Variants in TTLL4 observed in about 807,000 individuals in gnomAD.
TTLL4 encodes tubulin tyrosine ligase like 4.
Under a neutral mutation model 122.7 loss-of-function variants are expected in TTLL4, and 85 were observed. That is an observed-to-expected ratio of 0.69 (90% CI 0.58 to 0.83). The LOEUF is 0.83. Ranked by LOEUF, TTLL4 falls within the 40% of genes least tolerant of loss-of-function variation. The probability of loss-of-function intolerance (pLI) is 0.00; values close to 1 mark genes in which losing one functional copy is unlikely to be tolerated. For missense variants in TTLL4, 1,363 were observed against 1,488.6 expected (o/e 0.92, Z 1.39); for synonymous variants, 553 against 563.0 (o/e 0.98, Z 0.25).
chr2:218,731,249 A>T (rs192856312), intron 2 of TTLL4, among the ~76,000 whole-genome samples: 144 of 152,230 alleles, frequency 9.5e-4, no homozygotes, highest in Non-Finnish European at 1.8e-3. Flanking sequence ...CATCTCTACT[A>T]AAAATACAAA....
chr2:218,728,944 CGG>C (rs57886887), intron 2 of TTLL4, among the ~76,000 whole-genome samples: 57,396 of 108,648 alleles, frequency 0.53, 14,001 homozygotes, highest in African/African-American at 0.58. Flanking sequence ...TTTTTTTTGG[CGG>C]GGGGGGGCAT....
In TTLL4 at chr2:218,747,498, C is replaced by T; in HGVS notation, c.2250-99C>T. On this transcript the variant is annotated intron_variant, in intron 10 of 19. Coordinates refer to ENST00000392102, the MANE Select transcript of TTLL4 (RefSeq NM_014640.5). The surrounding 1 kb of genome is among the most constrained non-coding windows in gnomAD (Gnocchi z 4.7). ...CTTCCTTAGCCAACTGTTCTAAGGT[C>T]TTTATCTTGGGGACTGTTAGCTGGC... 4 of 1,574,576 alleles carry T rather than the reference C, an allele frequency of 2.5e-6. No individual in the cohort carries two copies. The highest frequency in any genetic ancestry group is 3.5e-6 in the Non-Finnish European group (4 of 1,157,056).
chr2:218,713,933 C>T (rs1461119082), intron 1 of TTLL4, among the ~76,000 whole-genome samples: 1 of 152,146 alleles, frequency 6.6e-6, no homozygotes, highest in African/African-American at 2.4e-5. Context: ...GGACAAGGAG[C>T]AGTGTAGAAT....
intron 14 of TTLL4, 132 bp downstream of exon 14, chr2:218,749,519 A>C (rs1034209538): frequency 3.0e-6 from 4 of 1,335,762 alleles, no homozygotes; most frequent in Non-Finnish European, 4.0e-6. Context: ...CCCAGGCTGG[A>C]GTGCAGTGGC....
chr2:218,737,676 C>A lies in TTLL4; in HGVS notation c.-1C>A. 1 of 1,585,618 alleles carries A rather than the reference C, an allele frequency of 6.3e-7. No individual in the cohort carries two copies. The highest frequency in any genetic ancestry group is 8.6e-7 in the Non-Finnish European group (1 of 1,164,500). The stretch of plus-strand genomic sequence containing the variant: ...CCGTGTGGCCATGATGTGGGCCCCT[C>A]ATGGCCTCAGCAGGAACACAGCACT... On this transcript the variant is annotated 5_prime_UTR_variant, in exon 3 of 20. Transcript: ENST00000392102.
At chr2:218,754,093 AC>A in intron 19 of TTLL4, 40 bp from the exon 20 acceptor site, 1 of 1,612,278 alleles carries the variant, frequency 6.2e-7, no homozygotes, top group Non-Finnish European at 8.5e-7. Context: ...TCTCAGTTAA[AC>A]AGTGTCTCAG....
rs1306377023 is a variant in TTLL4 at position 218,747,643 on chromosome 2, C to T, written c.2296C>T (p.Arg766Trp). 1.9e-6 allele frequency: 3 copies of T among 1,614,200 alleles called. No individual in the cohort carries two copies. Among genetic ancestry groups the T allele is most frequent in the South Asian group, 1.1e-5 (1 of 91,084 alleles). Residue 766 changes from arginine (R) to tryptophan (W), a missense_variant, in exon 11 of 20, where the codon CGG (arginine) becomes TGG (tryptophan). Transcript: ENST00000392102. The surrounding 1 kb of genome is among the most constrained non-coding windows in gnomAD (Gnocchi z 4.7). ...YLISGSKFDL[R>W]IYVYVTSYDP... ...CATCAGCGGCAGCAAGTTTGACCTG[C>T]GGATCTATGTTTATGTCACTTCCTA...
chr2:218,714,027 TAGGTCTGG>T (rs1202038814), intron 1 of TTLL4, among the ~76,000 whole-genome samples: 2 of 152,188 alleles, frequency 1.3e-5, no homozygotes, highest in Non-Finnish European at 2.9e-5. Flanking sequence ...GTTCATTCTG[TAGGTCTGG>T]AGCTCACAAG....
At chr2:218,740,606 AT>A in intron 5 of TTLL4, 22 bp downstream of exon 5, 1 of 1,612,540 alleles carries the variant, frequency 6.2e-7, no homozygotes, top group East Asian at 2.2e-5. Context: ...TGTATAGATC[AT>A]TGTTACATGC....
intron 1 of TTLL4, among the ~76,000 whole-genome samples, chr2:218,711,427 A>G (rs1453056655): frequency 6.7e-6 from 1 of 149,986 alleles, no homozygotes; most frequent in Non-Finnish European, 1.5e-5. Context: ...TTTAACATGG[A>G]TATCTGCTTT....
chr2:218,738,785 G>A lies in TTLL4; in HGVS notation c.1109G>A (p.Trp370Ter). ...QSSFLNPSFQ[W>*]NVLNRSRRWK... Reference sequence around the variant, plus strand: ...AGTTTCCTGAACCCCAGCTTCCAGTGGAATGTCCTCAACAGGAGCAGGCGG... The same window carrying A: ...AGTTTCCTGAACCCCAGCTTCCAGTAGAATGTCCTCAACAGGAGCAGGCGG... The change falls in exon 3 of 20, where the codon TGG (tryptophan) becomes TAG (stop). Residue 370 changes from tryptophan to a stop codon, truncating the protein, a stop_gained. Transcript: ENST00000392102. LOFTEE classifies it high-confidence loss of function. 6.2e-7 allele frequency: 1 copy of A among 1,614,204 alleles called. No homozygotes were observed. Among genetic ancestry groups the A allele is most frequent in the Non-Finnish European group, 8.5e-7 (1 of 1,180,036 alleles).
At position 218,747,924 on chromosome 2, in the gene TTLL4, G is replaced by A; in HGVS notation, c.2379-181G>A. On this transcript the variant is annotated intron_variant, in intron 11 of 19. Transcript: ENST00000392102. This position sits in a 1 kb window ranked among gnomAD's most constrained non-coding sequence, Gnocchi z 4.7. ...CATGCGGGACTGAGGTGGGATAAAGGAGATGAGTTTAGCTGTGGTTTTTCA... is the reference window on the plus strand; with the variant it reads ...CATGCGGGACTGAGGTGGGATAAAGAAGATGAGTTTAGCTGTGGTTTTTCA... The A allele has an allele frequency of 3.6e-6, 4 of 1,116,362 alleles. No individual in the cohort carries two copies. The highest frequency in any genetic ancestry group is 5.1e-6 in the Non-Finnish European group (4 of 784,848). 69.2% of individuals were successfully genotyped at this position (1,116,362 alleles called of 1,614,324 possible).
At chr2:218,734,948 C>T (rs941389535) in intron 2 of TTLL4, among the ~76,000 whole-genome samples, 11 of 152,136 alleles carry the variant, frequency 7.2e-5, no homozygotes, top group Admixed American at 3.3e-4. Flanking sequence ...GTGTGGTGGT[C>T]CATTTTCTGT....
intron 7 of TTLL4, 52 bp from the exon 8 acceptor site, chr2:218,746,103 T>G (rs1170047218): frequency 6.2e-7 from 1 of 1,603,734 alleles, no homozygotes; most frequent in Non-Finnish European, 8.5e-7. Flanking sequence ...GGCCTCTCTC[T>G]GTCCCTGGAC....
At position 218,755,128 on chromosome 2, in the gene TTLL4, CCCCAGTGAAGGAG is replaced by C. The variant is rs1260199080; in HGVS notation, c.*745_*757del. On this transcript the variant is annotated 3_prime_UTR_variant, in exon 20 of 20. Transcript: ENST00000392102. ...TATGAACTTTGTGAATTTCCCATGGCCCCAGTGAAGGAGCCCAGATAATCCCAGTAGCTGTTAC... is the reference window on the plus strand; with the variant it reads ...TATGAACTTTGTGAATTTCCCATGGCCCCAGATAATCCCAGTAGCTGTTAC... 2 of 152,222 alleles carry C rather than the reference CCCCAGTGAAGGAG, an allele frequency of 1.3e-5. No individual in the cohort carries two copies. The highest frequency in any genetic ancestry group is 2.9e-5 in the Non-Finnish European group (2 of 68,104). 9.4% of individuals were successfully genotyped at this position (152,222 alleles called of 1,614,324 possible). A position where few individuals can be genotyped will look rare whatever the true frequency, so the allele number is the denominator to read the frequency against.
At chr2:218,717,885 G>A (rs146934537) in intron 1 of TTLL4, among the ~76,000 whole-genome samples, 6,043 of 151,352 alleles carry the variant, frequency 0.04, 379 homozygotes, top group African/African-American at 0.14. Flanking sequence ...TGCAAGCTCC[G>A]CCTCCCGGGT....
chr2:218,757,068 ATACCTACAG>A (rs1282095342), downstream of TTLL4, among the ~76,000 whole-genome samples: 1 of 152,194 alleles, frequency 6.6e-6, no homozygotes, highest in Admixed American at 6.5e-5. Flanking sequence ...TATGAATATA[ATACCTACAG>A]TGCAGGGTTG....
intron 16 of TTLL4, among the ~76,000 whole-genome samples, chr2:218,752,562 C>T (rs1480735382): frequency 6.6e-6 from 1 of 152,174 alleles, no homozygotes; most frequent in Non-Finnish European, 1.5e-5. Flanking sequence ...AACAAGAGTG[C>T]CTTCCCCCAC....
In TTLL4 at chr2:218,740,540, A is replaced by G. The variant is rs1243535063; in HGVS notation, c.1617A>G (p.Ser539=). ...CTCTAGGAGACTCAGAGTGCTCCTC[A>G]TTAAGTGCTGTCTCCCCCAGCGAAT... The part of the protein sequence containing the change: ...EEEEGDSECS[S]LSAVSPSESV... Residue 539 remains serine, a synonymous_variant, in exon 5 of 20, where the codon TCA becomes TCG. Transcript: ENST00000392102. 22 of 1,614,062 alleles carry G rather than the reference A, an allele frequency of 1.4e-5. No homozygotes were observed. Among genetic ancestry groups the G allele is most frequent in the Non-Finnish European group, 1.7e-5 (20 of 1,180,022 alleles).
Sources: gnomAD v4.1 joint callset for allele counts (sites outside exome capture counted in the v4.1 genomes callset) on GRCh38, gnomAD v4.1.1 for gene constraint, Gnocchi (gnomAD v3.1) non-coding constraint, MANE v1.5 for transcripts, NCBI Gene and HGNC (gene_info 2026-07-23, HGNC 2026-07-21) for gene names.